The following SH3RF3 variants were observed in gnomAD, a reference collection of about 807,000 sequenced individuals.
The protein encoded by SH3RF3 is SH3 domain containing ring finger 3.
In SH3RF3, 29 loss-of-function variants were observed where a neutral mutation model predicts 66.3. The observed-to-expected ratio is 0.44, with a 90% CI of 0.33 to 0.60. SH3RF3 has a LOEUF of 0.60. SH3RF3 is among the 20% of genes least tolerant of loss of function. The pLI, the probability that SH3RF3 is intolerant of heterozygous loss-of-function variation, is 0.04. For missense variants in SH3RF3, 1,194 were observed against 1,190.9 expected, an observed-to-expected ratio of 1.00 and a Z score of -0.04; for synonymous variants, 583 against 532.0, an observed-to-expected ratio of 1.10 and a Z score of -1.32.
At chr2:109,312,980 T>G (rs1681767533) in intron 1 of SH3RF3, among the ~76,000 whole-genome samples, 2 of 152,194 alleles carry the variant, frequency 1.3e-5, no homozygotes, top group South Asian at 4.1e-4. Flanking sequence ...TTCACTTTTA[T>G]CTACAGTAAT....
intron 1 of SH3RF3, among the ~76,000 whole-genome samples, chr2:109,302,704 C>T (rs78078114): frequency 0.12 from 17,524 of 152,142 alleles, 1,242 homozygotes; most frequent in East Asian, 0.26. Flanking sequence ...GAAGTGATCC[C>T]GGGAGACAAG....
Position 109,449,234 on chromosome 2 carries a change from G to C in SH3RF3, c.1893G>C (p.Gln631His). 1 of 1,613,234 alleles carries C rather than the reference G, an allele frequency of 6.2e-7. No individual in the cohort carries two copies. Among genetic ancestry groups the C allele is most frequent in the Non-Finnish European group, 8.5e-7 (1 of 1,179,686 alleles). Residue 631 changes from glutamine (Q) to histidine (H), a missense_variant, in exon 8 of 10, where the codon CAG becomes CAC. Coordinates refer to ENST00000309415, the MANE Select transcript of SH3RF3 (RefSeq NM_001099289.3). ...CCACCGTGTCACCCCTGCGCACCCAGAACTCTCCATCCCGCCTGCCTGCCA... is the reference window on the plus strand; with the variant it reads ...CCACCGTGTCACCCCTGCGCACCCACAACTCTCCATCCCGCCTGCCTGCCA... ...PTATVSPLRTQNSPSRLPATS... is the reference protein window; with the variant it reads ...PTATVSPLRTHNSPSRLPATS...
At chr2:109,137,108 G>T (rs1676833022) in intron 1 of SH3RF3, among the ~76,000 whole-genome samples, 1 of 152,198 alleles carries the variant, frequency 6.6e-6, no homozygotes, top group African/African-American at 2.4e-5. Context: ...TAGGTGACCA[G>T]ATATGCTGCA....
chr2:109,319,258 G>A (rs907917467), intron 1 of SH3RF3, among the ~76,000 whole-genome samples: 12 of 152,196 alleles, frequency 7.9e-5, no homozygotes, highest in African/African-American at 2.9e-4. Flanking sequence ...GCATTTTTTG[G>A]AGTTGAGAAA....
chr2:109,272,034 A>AT (rs1680639697), intron 1 of SH3RF3, among the ~76,000 whole-genome samples: 1 of 152,170 alleles, frequency 6.6e-6, no homozygotes, highest in Non-Finnish European at 1.5e-5. Context: ...ACTGAGTGAC[A>AT]TTGGGGTGCT....
intron 1 of SH3RF3, among the ~76,000 whole-genome samples, chr2:109,210,974 G>A (rs774105731): frequency 2.0e-5 from 3 of 152,192 alleles, no homozygotes; most frequent in Non-Finnish European, 2.9e-5. Flanking sequence ...GGGGATGGAT[G>A]GGGTGCACAC....
chr2:109,200,146 G>A (rs1230950094), intron 1 of SH3RF3, among the ~76,000 whole-genome samples: 2 of 152,154 alleles, frequency 1.3e-5, no homozygotes, highest in African/African-American at 4.8e-5. Flanking sequence ...TGCTCCTAAG[G>A]TGACTTTGTT....
chr2:109,430,641 A>AT (rs1677182421), intron 5 of SH3RF3, among the ~76,000 whole-genome samples: 1 of 151,694 alleles, frequency 6.6e-6, no homozygotes, highest in South Asian at 2.1e-4. Flanking sequence ...GTTGTTTGTC[A>AT]TTTTCACTGG....
intron 4 of SH3RF3, among the ~76,000 whole-genome samples, chr2:109,411,539 G>A (rs1284838473): frequency 1.3e-5 from 2 of 152,214 alleles, no homozygotes; most frequent in Non-Finnish European, 2.9e-5. Context: ...ACAGAGACCA[G>A]ATTCAGAGGA....
chr2:109,456,672 G>A (rs778692371), intron 8 of SH3RF3, among the ~76,000 whole-genome samples: 3 of 152,210 alleles, frequency 2.0e-5, no homozygotes, highest in Non-Finnish European at 4.4e-5. Context: ...ATTGGGATGA[G>A]ACTTCTGGAT....
chr2:109,450,128 C>T (rs538516760), intron 8 of SH3RF3, among the ~76,000 whole-genome samples: 50 of 152,146 alleles, frequency 3.3e-4, no homozygotes, highest in South Asian at 6.2e-4. Flanking sequence ...GGCGGATCAC[C>T]TGAGGTCAGG....
chr2:109,259,325 G>A (rs1680297195), intron 1 of SH3RF3, among the ~76,000 whole-genome samples: 1 of 152,182 alleles, frequency 6.6e-6, no homozygotes, highest in African/African-American at 2.4e-5. Flanking sequence ...TGACAGTTGA[G>A]CCTACCTGAA....
chr2:109,416,840 G>C (rs1413387678), intron 4 of SH3RF3, among the ~76,000 whole-genome samples: 1 of 151,648 alleles, frequency 6.6e-6, no homozygotes, highest in Non-Finnish European at 1.5e-5. Context: ...CAGAAGCAGA[G>C]GTTGCAGTGA....
intron 2 of SH3RF3, among the ~76,000 whole-genome samples, chr2:109,365,224 A>G (rs1161836988): frequency 2.0e-5 from 3 of 152,134 alleles, no homozygotes; most frequent in South Asian, 2.1e-4. Context: ...GATATTCACT[A>G]TGAAGACTTA....
In SH3RF3 at chr2:109,129,762, A is replaced by G; in HGVS notation, c.222A>G (p.Gln74=). ...CCACGGCCAAGGTGCTGCCATGCCA[A>G]CACACTTTCTGCCGCCGCTGCCTGG... ...LDTTAKVLPC[Q]HTFCRRCLES... The change falls in exon 1 of 10, where the codon CAA becomes CAG. Residue 74 remains glutamine (Q), a synonymous_variant. Coordinates refer to ENST00000309415, the MANE Select transcript of SH3RF3 (RefSeq NM_001099289.3). 1.9e-6 allele frequency: 3 copies of G among 1,539,570 alleles called. No individual in the cohort carries two copies. Among genetic ancestry groups the G allele is most frequent in the Non-Finnish European group, 2.6e-6 (3 of 1,145,260 alleles).
chr2:109,430,490 G>GTCCTCTCCCA (rs1266292534), intron 5 of SH3RF3, among the ~76,000 whole-genome samples: 2 of 149,440 alleles, frequency 1.3e-5, no homozygotes, highest in Non-Finnish European at 3.0e-5. Context: ...TCCTCTCCCC[G>GTCCTCTCCCA]TCCTCTCCCA....
In SH3RF3 at chr2:109,167,696, C is replaced by A. The variant is rs565899791; in HGVS notation, c.573+37583C>A. On this transcript the variant is annotated intron_variant, in intron 1 of 9. Transcript: ENST00000309415. Reference sequence around the variant, plus strand: ...AAGCGATTCTCCTACTTCAGCCTCCCGAGTAGCTGGGACTACAGACACCTG... The same window carrying A: ...AAGCGATTCTCCTACTTCAGCCTCCAGAGTAGCTGGGACTACAGACACCTG... Among the ~76,000 whole-genome samples the A allele has an allele frequency of 5.8e-4, 88 of 152,276 alleles. 1 individual carries two copies. Among genetic ancestry groups the A allele is most frequent in the African/African-American group, 2.0e-3 (84 of 41,554 alleles).
chr2:109,258,567 A>G (rs560545958), intron 1 of SH3RF3, among the ~76,000 whole-genome samples: 17 of 152,284 alleles, frequency 1.1e-4, no homozygotes, highest in African/African-American at 3.6e-4. Flanking sequence ...TGTCCTCACT[A>G]GGAATCCAGT....
At chr2:109,326,993 G>A (rs1574575817) in intron 1 of SH3RF3, among the ~76,000 whole-genome samples, 2 of 152,114 alleles carry the variant, frequency 1.3e-5, no homozygotes, top group South Asian at 4.1e-4. Flanking sequence ...GCAATGTGTT[G>A]TTAATATCTT....
Sources: gnomAD v4.1 joint callset for allele counts (sites outside exome capture counted in the v4.1 genomes callset) on GRCh38, gnomAD v4.1.1 for gene constraint, MANE v1.5 for transcripts, NCBI Gene and HGNC (gene_info 2026-07-23, HGNC 2026-07-21) for gene names.